Variants in ADGRL3 observed in about 807,000 individuals in gnomAD.
ADGRL3 encodes adhesion G protein-coupled receptor L3, also known as calcium-independent alpha-latrotoxin receptor 3.
ADGRL3 carries 62 observed loss-of-function variants against 153.5 expected under a neutral mutation model. That is an observed-to-expected ratio of 0.40 (90% CI 0.33 to 0.50). The LOEUF is 0.50. Ranked by LOEUF, ADGRL3 falls within the 20% of genes least tolerant of loss-of-function variation. The probability of loss-of-function intolerance (pLI) is 0.47; values close to 1 mark genes in which losing one functional copy is unlikely to be tolerated. For synonymous variants in ADGRL3, 710 were observed against 672.5 expected, an observed-to-expected ratio of 1.06 and a Z score of -0.86; for missense variants, 1,641 against 1,859.4, an observed-to-expected ratio of 0.88 and a Z score of 2.16.
chr4:61,470,230 C>T (rs948681247), intron 2 of ADGRL3, among the ~76,000 whole-genome samples: 2 of 151,930 alleles, frequency 1.3e-5, no homozygotes, highest in African/African-American at 4.8e-5. Flanking sequence ...CCATGCTGAG[C>T]ATTCCAGAAA....
intron 6 of ADGRL3, among the ~76,000 whole-genome samples, chr4:61,724,486 A>G (rs1463364385): frequency 2.6e-5 from 4 of 152,234 alleles, no homozygotes; most frequent in Admixed American, 2.0e-4. Context: ...AAAGCATTCT[A>G]TGAATTATTG....
At chr4:61,567,809 T>C (rs1337732675) in intron 4 of ADGRL3, among the ~76,000 whole-genome samples, 4 of 152,164 alleles carry the variant, frequency 2.6e-5, no homozygotes, top group Admixed American at 6.6e-5. Flanking sequence ...ACTATTGAAG[T>C]TGCACCTCAA....
chr4:61,865,942 G>T (rs569718207), intron 9 of ADGRL3, among the ~76,000 whole-genome samples: 3 of 152,184 alleles, frequency 2.0e-5, no homozygotes, highest in Non-Finnish European at 4.4e-5. Flanking sequence ...GATTTCATGG[G>T]ATTTTTGTAT....
intron 3 of ADGRL3, among the ~76,000 whole-genome samples, chr4:61,509,124 CTTTTTTT>C (rs57550950): frequency 1.7e-5 from 2 of 118,570 alleles, no homozygotes; most frequent in Non-Finnish European, 3.3e-5. Flanking sequence ...CATATCACAT[CTTTTTTT>C]TTTTTTTTTT....
intron 9 of ADGRL3, among the ~76,000 whole-genome samples, chr4:61,867,876 A>AT (rs1169469155): frequency 2.6e-5 from 4 of 151,898 alleles, no homozygotes; most frequent in Non-Finnish European, 4.4e-5. Flanking sequence ...AAATATGTGG[A>AT]TTTTTTTATA....
At chr4:61,410,793 C>T (rs539317420) in intron 2 of ADGRL3, among the ~76,000 whole-genome samples, 3 of 152,152 alleles carry the variant, frequency 2.0e-5, no homozygotes, top group Non-Finnish European at 4.4e-5. Context: ...ACCTCCTTGC[C>T]CCAAGCTCCC....
intron 25 of ADGRL3, among the ~76,000 whole-genome samples, chr4:62,059,871 A>G (rs946468586): frequency 1.4e-4 from 22 of 152,178 alleles, no homozygotes; most frequent in Admixed American, 3.3e-4. Flanking sequence ...GTCTTCTCAG[A>G]TTAATAGTTT....
intron 17 of ADGRL3, among the ~76,000 whole-genome samples, chr4:61,953,880 C>T (rs2098956573): frequency 6.6e-6 from 1 of 152,218 alleles, no homozygotes; most frequent in Non-Finnish European, 1.5e-5. Flanking sequence ...CTTGGGTACA[C>T]TACTCCTTAG....
chr4:61,739,349 C>G (rs1188457042), intron 8 of ADGRL3, among the ~76,000 whole-genome samples: 3 of 151,600 alleles, frequency 2.0e-5, no homozygotes, highest in African/African-American at 4.9e-5. Context: ...CTGTGTTGCC[C>G]AGGCTGGAGT....
In ADGRL3 at chr4:61,214,939, T is replaced by TA. The variant is rs912181250; in HGVS notation, c.-240+13184dup. The stretch of plus-strand genomic sequence containing the variant: ...GGCTACAGAGTGAGACCTTGACTAT[T>TA]AAAAAAAAAATCAATAAAAATAGAT... On this transcript the variant is annotated intron_variant, in intron 1 of 26. Transcript: ENST00000683033. 5.9e-4 allele frequency among the ~76,000 whole-genome samples: 88 copies of TA among 149,398 alleles called. 1 individual carries two copies. Among genetic ancestry groups the TA allele is most frequent in the South Asian group, 2.3e-3 (11 of 4,718 alleles).
At chr4:61,465,126 T>C (rs1278913712) in intron 2 of ADGRL3, among the ~76,000 whole-genome samples, 1 of 152,198 alleles carries the variant, frequency 6.6e-6, no homozygotes, top group Non-Finnish European at 1.5e-5. Context: ...AAGACCCACA[T>C]AGTTGATGAA....
intron 1 of ADGRL3, among the ~76,000 whole-genome samples, chr4:61,231,348 T>C (rs2149187053): frequency 6.6e-6 from 1 of 152,282 alleles, no homozygotes; most frequent in South Asian, 2.1e-4. Flanking sequence ...GAAGACATGC[T>C]ATGTCTCCAG....
intron 2 of ADGRL3, among the ~76,000 whole-genome samples, chr4:61,458,230 A>C (rs1274175638): frequency 6.6e-6 from 1 of 151,502 alleles, no homozygotes; most frequent in African/African-American, 2.4e-5. Context: ...ATAAATATAA[A>C]TATTATTATT....
intron 8 of ADGRL3, among the ~76,000 whole-genome samples, chr4:61,807,555 C>T (rs942940048): frequency 2.0e-5 from 3 of 152,092 alleles, no homozygotes; most frequent in African/African-American, 4.8e-5. Context: ...GCATTTCTCA[C>T]GCCAATGTAG....
At chr4:61,729,108 C>A (rs2096396954) in intron 6 of ADGRL3, among the ~76,000 whole-genome samples, 1 of 151,808 alleles carries the variant, frequency 6.6e-6, no homozygotes. Flanking sequence ...ATACTGTGCT[C>A]ACTACCTGGG....
chr4:61,963,938 T>G (rs1470477457), intron 17 of ADGRL3, among the ~76,000 whole-genome samples: 3 of 152,162 alleles, frequency 2.0e-5, no homozygotes, highest in African/African-American at 7.2e-5. Context: ...ACTTCAACTC[T>G]CAGAAGGGCC....
At chr4:61,997,903 A>C (rs538096542) in intron 20 of ADGRL3, among the ~76,000 whole-genome samples, 1 of 152,178 alleles carries the variant, frequency 6.6e-6, no homozygotes, top group Non-Finnish European at 1.5e-5. Context: ...TTGTTTCAAA[A>C]TTTCCACAGC....
intron 4 of ADGRL3, among the ~76,000 whole-genome samples, chr4:61,586,138 A>G (rs1286820276): frequency 6.6e-6 from 1 of 152,068 alleles, no homozygotes; most frequent in Non-Finnish European, 1.5e-5. Flanking sequence ...TTGTTGATAG[A>G]AAGTATTCAT....
chr4:61,239,508 C>T (rs1029871245), intron 1 of ADGRL3, among the ~76,000 whole-genome samples: 3 of 151,976 alleles, frequency 2.0e-5, no homozygotes, highest in Non-Finnish European at 1.5e-5. Context: ...GGATGTTACT[C>T]TCCCAGGAGA....
Sources: allele counts gnomAD v4.1 joint callset (sites outside exome capture counted in the v4.1 genomes callset), GRCh38; gene constraint gnomAD v4.1.1; transcripts MANE v1.5; gene names NCBI Gene and HGNC (gene_info 2026-07-23, HGNC 2026-07-21).